Variants in TRPM3 observed in about 807,000 individuals in gnomAD.
TRPM3 encodes the protein long transient receptor potential channel 3.
TRPM3 carries 77 observed loss-of-function variants against 181.2 expected under a neutral mutation model. The ratio of observed to expected loss-of-function variants is 0.42; its 90% CI spans 0.35 to 0.51. The LOEUF is 0.51. Among genes scored for constraint, TRPM3 ranks in the 20% least tolerant of loss-of-function variants. The pLI is 0.01. For missense variants in TRPM3, 1,759 were observed against 2,196.7 expected (o/e 0.80, Z 3.98); for synonymous variants, 745 against 796.4 (o/e 0.94, Z 1.09).
chr9:71,222,320 G>GTCACAGAAGAGTGATCA (rs2080289819), intron 1 of TRPM3, among the ~76,000 whole-genome samples: 1 of 152,220 alleles, frequency 6.6e-6, no homozygotes. Context: ...AAACGTTCTT[G>GTCACAGAAGAGTGATCA]TCACAGAAGA....
intron 1 of TRPM3, among the ~76,000 whole-genome samples, chr9:71,276,383 A>G (rs533589176): frequency 6.6e-6 from 1 of 152,294 alleles, no homozygotes; most frequent in South Asian, 2.1e-4. Context: ...TCTATCCTCA[A>G]AAGCCATCAG....
chr9:71,227,102 T>C (rs1323720900), intron 1 of TRPM3, among the ~76,000 whole-genome samples: 1 of 113,786 alleles, frequency 8.8e-6, no homozygotes, highest in Non-Finnish European at 1.7e-5. Flanking sequence ...GCATGATACT[T>C]CATCTCAAAA....
At chr9:70,677,152 C>G (rs977564882) in intron 9 of TRPM3, among the ~76,000 whole-genome samples, 1 of 152,138 alleles carries the variant, frequency 6.6e-6, no homozygotes, top group South Asian at 2.1e-4. Flanking sequence ...CCATAAGACA[C>G]GCCCTCCAGT....
intron 8 of TRPM3, among the ~76,000 whole-genome samples, chr9:70,741,853 G>C (rs1479088239): frequency 1.3e-5 from 2 of 152,048 alleles, no homozygotes; most frequent in Admixed American, 1.3e-4. Context: ...GGGATAAAAG[G>C]CTATACATTG....
At chr9:71,051,921 C>G (rs1166403326) in intron 1 of TRPM3, among the ~76,000 whole-genome samples, 1 of 146,374 alleles carries the variant, frequency 6.8e-6, no homozygotes, top group African/African-American at 2.4e-5. Context: ...AAAAGCAGCA[C>G]TATGTTATCT....
chr9:71,131,079 T>C (rs1385076804), intron 1 of TRPM3, among the ~76,000 whole-genome samples: 2 of 152,214 alleles, frequency 1.3e-5, no homozygotes, highest in African/African-American at 4.8e-5. Flanking sequence ...TCCGAACTCC[T>C]CGTTTTTGAT....
rs1189618693 is a variant in TRPM3 at position 70,841,655 on chromosome 9, T to G, written c.801+1348A>C. 2.9e-3 allele frequency among the ~76,000 whole-genome samples: 313 copies of G among 107,700 alleles called. 7 individuals carry two copies. The highest frequency in any genetic ancestry group is 0.012 in the African/African-American group (300 of 24,402). 70.7% of individuals were successfully genotyped at this position (107,700 alleles called of 152,430 possible). The stretch of plus-strand genomic sequence containing the variant: ...ATATATATATATATATATATATATA[T>G]ATATATCCCACCATATATATGTATA... On this transcript the variant is annotated intron_variant, in intron 5 of 25. Coordinates refer to ENST00000677713, the MANE Select transcript of TRPM3 (RefSeq NM_001366145.2).
At chr9:70,879,620 G>A (rs944578893) in intron 1 of TRPM3, among the ~76,000 whole-genome samples, 5 of 151,958 alleles carry the variant, frequency 3.3e-5, no homozygotes, top group African/African-American at 1.2e-4. Flanking sequence ...CCACCCCAGT[G>A]CCTGGCATCT....
intron 1 of TRPM3, among the ~76,000 whole-genome samples, chr9:71,105,107 A>G (rs1198039318): frequency 6.6e-6 from 1 of 152,224 alleles, no homozygotes; most frequent in Non-Finnish European, 1.5e-5. Context: ...TAAATCAGCT[A>G]TGCTGTATTC....
chr9:71,072,977 C>T (rs1235894811), intron 1 of TRPM3, among the ~76,000 whole-genome samples: 1 of 152,184 alleles, frequency 6.6e-6, no homozygotes, highest in Non-Finnish European at 1.5e-5. Context: ...CTCGAGGTGG[C>T]TGCCTTTGCT....
At chr9:70,793,219 C>G (rs575989288) in intron 6 of TRPM3, among the ~76,000 whole-genome samples, 1 of 152,050 alleles carries the variant, frequency 6.6e-6, no homozygotes, top group Admixed American at 6.6e-5. Context: ...TTTGGGAGAC[C>G]GAGGCGGGAG....
At chr9:70,929,695 T>C (rs2096756476) in intron 1 of TRPM3, among the ~76,000 whole-genome samples, 1 of 152,140 alleles carries the variant, frequency 6.6e-6, no homozygotes, top group Non-Finnish European at 1.5e-5. Context: ...TAGGGAAAAA[T>C]TACTTCTCCA....
At chr9:71,085,475 T>G (rs2065109212) in intron 1 of TRPM3, among the ~76,000 whole-genome samples, 3 of 151,924 alleles carry the variant, frequency 2.0e-5, no homozygotes, top group Non-Finnish European at 4.4e-5. Context: ...GCAAAAGACA[T>G]GAACAGGTAC....
intron 1 of TRPM3, among the ~76,000 whole-genome samples, chr9:71,266,508 C>A (rs1245969187): frequency 6.6e-6 from 1 of 152,034 alleles, no homozygotes; most frequent in East Asian, 1.9e-4. Context: ...CTTCTTTATC[C>A]CTCTTTCTCT....
chr9:70,841,657 T>TG (rs1413296829), intron 5 of TRPM3, among the ~76,000 whole-genome samples: 11 of 103,222 alleles, frequency 1.1e-4, no homozygotes, highest in African/African-American at 4.3e-4. Flanking sequence ...TATATATATA[T>TG]ATATCCCACC....
chr9:71,124,739 A>G (rs1301821011), upstream of TRPM3, among the ~76,000 whole-genome samples: 2 of 152,102 alleles, frequency 1.3e-5, no homozygotes, highest in African/African-American at 2.4e-5. Context: ...AGCACCCTCA[A>G]TATAGTATTG....
intron 1 of TRPM3, among the ~76,000 whole-genome samples, chr9:71,253,621 C>T (rs774073893): frequency 4.6e-5 from 7 of 152,028 alleles, no homozygotes; most frequent in African/African-American, 1.7e-4. Context: ...TTTGGTACAG[C>T]CATTACAGAA....
chr9:71,096,591 CTCT>C, intron 1 of TRPM3, among the ~76,000 whole-genome samples: 1 of 38,384 alleles, frequency 2.6e-5, no homozygotes, highest in Non-Finnish European at 6.5e-5. Context: ...CACACACACA[CTCT>C]CTCTCTCTCT....
intron 1 of TRPM3, among the ~76,000 whole-genome samples, chr9:71,264,271 GC>G (rs2083243761): frequency 1.3e-5 from 2 of 152,222 alleles, no homozygotes; most frequent in Admixed American, 6.5e-5. Context: ...GGAATGGTGT[GC>G]CCCCTCTCAG....
Sources: gnomAD v4.1 joint callset for allele counts (sites outside exome capture counted in the v4.1 genomes callset) on GRCh38, gnomAD v4.1.1 for gene constraint, MANE v1.5 for transcripts, NCBI Gene and HGNC (gene_info 2026-07-23, HGNC 2026-07-21) for gene names.